BLK: variants seen among roughly 807,000 people sequenced by gnomAD.
BLK encodes the protein tyrosine-protein kinase Blk.
Under a neutral mutation model 61.8 loss-of-function variants are expected in BLK, and 64 were observed. The ratio of observed to expected loss-of-function variants is 1.03; its 90% confidence interval spans 0.85 to 1.27. The LOEUF is 1.27. BLK is among the 50% of genes most tolerant of loss of function. The probability of loss-of-function intolerance (pLI) is 0.00; values close to 1 mark genes in which losing one functional copy is unlikely to be tolerated. For missense variants in BLK, 853 were observed against 660.5 expected, an observed-to-expected ratio of 1.29 and a Z score of -3.19; for synonymous variants, 351 against 272.0, an observed-to-expected ratio of 1.29 and a Z score of -2.86.
At chr8:11,505,969 C>G (rs1798756957) in intron 1 of BLK, among the ~76,000 whole-genome samples, 1 of 152,232 alleles carries the variant, frequency 6.6e-6, no homozygotes, top group African/African-American at 2.4e-5. Context: ...TAAGACCTCT[C>G]CCCATCTTCC....
intron 1 of BLK, among the ~76,000 whole-genome samples, chr8:11,526,303 T>G (rs937064445): frequency 4.6e-5 from 7 of 152,254 alleles, no homozygotes; most frequent in African/African-American, 7.2e-5. Flanking sequence ...ATTTAAATGT[T>G]TACGTCTCAA....
At chr8:11,544,497 A>G (rs2245125) in intron 2 of BLK, among the ~76,000 whole-genome samples, 152,280 of 152,286 alleles carry the variant, frequency 1, 76,137 homozygotes, top group Middle Eastern at 1. Context: ...GTTTAGCGCC[A>G]GTCTCAGCGC....
intron 10 of BLK, 42 bp from the exon 11 acceptor site, chr8:11,561,260 G>T (rs898831886): frequency 1.9e-5 from 30 of 1,599,804 alleles, no homozygotes; most frequent in Non-Finnish European, 2.6e-5. Flanking sequence ...TCTTGGCGTG[G>T]AGGCCCCCAG....
At chr8:11,522,855 T>A (rs1799509644) in intron 1 of BLK, among the ~76,000 whole-genome samples, 1 of 152,192 alleles carries the variant, frequency 6.6e-6, no homozygotes, top group Non-Finnish European at 1.5e-5. Context: ...ATGTCGTAAA[T>A]GTCCAAAATC....
intron 1 of BLK, among the ~76,000 whole-genome samples, chr8:11,542,123 A>G (rs1800403693): frequency 6.6e-6 from 1 of 152,202 alleles, no homozygotes; most frequent in African/African-American, 2.4e-5. Flanking sequence ...CTCTGGAAGA[A>G]ATGCATGACT....
chr8:11,545,297 C>T (rs1800579403), intron 2 of BLK, among the ~76,000 whole-genome samples: 1 of 152,116 alleles, frequency 6.6e-6, no homozygotes, highest in Non-Finnish European at 1.5e-5. Flanking sequence ...GCCTGTAATC[C>T]CAGCACTTTG....
chr8:11,547,979 A>C, intron 3 of BLK, 53 bp from the exon 4 acceptor site: 1 of 1,509,896 alleles, frequency 6.6e-7, no homozygotes, highest in Non-Finnish European at 9.2e-7. Flanking sequence ...CCCCAGCCCC[A>C]CCTTCCCGCT....
At chr8:11,556,606 T>C (rs1801236875) in intron 8 of BLK, 52 bp from the exon 9 acceptor site, 1 of 1,612,536 alleles carries the variant, frequency 6.2e-7, no homozygotes, top group Admixed American at 1.7e-5. Flanking sequence ...AGGGATCACC[T>C]CCGAGCAAGC....
intron 2 of BLK, 80 bp from the exon 3 acceptor site, chr8:11,545,972 C>T: frequency 6.8e-7 from 1 of 1,477,188 alleles, no homozygotes; most frequent in Non-Finnish European, 9.5e-7. Context: ...CCCTGGCTGC[C>T]CGGCTCAGCA....
At chr8:11,522,496 G>A (rs1799494352) in intron 1 of BLK, among the ~76,000 whole-genome samples, 1 of 152,160 alleles carries the variant, frequency 6.6e-6, no homozygotes, top group African/African-American at 2.4e-5. Context: ...TGCCCTGTAA[G>A]TCCATAGGTA....
Position 11,564,259 on chromosome 8 carries a change from C to A in BLK, c.*151C>A. Reference sequence around the variant, plus strand: ...GGCAGAGGCAGCTTCGCAGGGGGTCCCCGGACGGACTCCTTCACCGACTGC... The same window carrying A: ...GGCAGAGGCAGCTTCGCAGGGGGTCACCGGACGGACTCCTTCACCGACTGC... On this transcript the variant is annotated 3_prime_UTR_variant, in exon 13 of 13. Coordinates refer to ENST00000259089, the MANE Select transcript of BLK (RefSeq NM_001715.3). 1.1e-6 allele frequency: 1 copy of A among 931,194 alleles called. No homozygotes were observed. The allele number at this position is 931,194 out of a possible 1,614,324, so 57.7% of individuals were successfully genotyped here. A position where few individuals can be genotyped will look rare whatever the true frequency, so the allele number is the denominator to read the frequency against.
chr8:11,550,399 A>G (rs540110814), intron 6 of BLK, 137 bp downstream of exon 6: 12 of 820,376 alleles, frequency 1.5e-5, no homozygotes, highest in Admixed American at 4.0e-5. Flanking sequence ...GTCCCTCCCA[A>G]TTCAGGCCCT....
At chr8:11,544,028 C>A (rs918110231) in intron 2 of BLK, among the ~76,000 whole-genome samples, 9 of 150,964 alleles carry the variant, frequency 6.0e-5, no homozygotes, top group South Asian at 2.1e-4. Context: ...AGTGGTGGGA[C>A]CTTGGCTCAC....
chr8:11,557,930 C>T, intron 9 of BLK, 32 bp from the exon 10 acceptor site: 1 of 1,607,764 alleles, frequency 6.2e-7, no homozygotes, highest in Non-Finnish European at 8.5e-7. Context: ...GGTCACTTTG[C>T]AGAAGGGCAC....
intron 1 of BLK, among the ~76,000 whole-genome samples, chr8:11,539,948 C>G (rs2061830): frequency 0.57 from 86,710 of 152,016 alleles, 25,702 homozygotes; most frequent in East Asian, 0.99. Flanking sequence ...ATTATGAATA[C>G]ACATTTATCT....
intron 6 of BLK, among the ~76,000 whole-genome samples, chr8:11,550,668 A>G (rs1272231892): frequency 1.3e-5 from 2 of 152,224 alleles, no homozygotes; most frequent in Non-Finnish European, 2.9e-5. Context: ...TGCAGGTAGC[A>G]TATGTTAGGA....
chr8:11,521,944 G>C (rs1286096628), intron 1 of BLK, among the ~76,000 whole-genome samples: 1 of 152,086 alleles, frequency 6.6e-6, no homozygotes, highest in Non-Finnish European at 1.5e-5. Context: ...AAACCAGCTT[G>C]TAAAGTTCCT....
rs558124437 is a variant in BLK at position 11,520,659 on chromosome 8, G to A, written c.-1-22565G>A. Among the ~76,000 whole-genome samples, 9 of 152,174 alleles carry A rather than the reference G, an allele frequency of 5.9e-5. No homozygotes were observed. In the South Asian group the frequency reaches 1.5e-3, roughly 25 times the overall value. On this transcript the variant is annotated intron_variant, in intron 1 of 12. Transcript: ENST00000259089. ...ATAGCCAGATTCAGAAGTGAGAGAC[G>A]CCTGCTAACATTGAGATAATTTAAC...
intron 5 of BLK, chr8:11,549,912 A>G (rs1800821736): frequency 1.9e-6 from 1 of 538,236 alleles, no homozygotes; most frequent in African/African-American, 1.9e-5. Flanking sequence ...AGGTCAACCA[A>G]CTAGTGTTCT....
Sources: allele counts gnomAD v4.1 joint callset (sites outside exome capture counted in the v4.1 genomes callset), GRCh38; gene constraint gnomAD v4.1.1; transcripts MANE v1.5; gene names NCBI Gene and HGNC (gene_info 2026-07-23, HGNC 2026-07-21).